PRKN: variants seen among roughly 807,000 people sequenced by gnomAD.
The protein encoded by PRKN is E3 ubiquitin-protein ligase parkin.
A neutral mutation model predicts 59.5 loss-of-function variants in PRKN; 56 were observed. The observed-to-expected ratio is 0.94, with a 90% CI of 0.76 to 1.18. The LOEUF (loss-of-function observed/expected upper bound fraction) is 1.18. Among genes scored for constraint, PRKN ranks in the 50% most tolerant of loss-of-function variants. PRKN has a pLI of 0.00. For missense variants in PRKN, 657 were observed against 596.4 expected (o/e 1.10, Z -1.06); for synonymous variants, 250 against 222.1 (o/e 1.13, Z -1.12).
At chr6:162,091,887 T>C (rs1181568488) in intron 4 of PRKN, among the ~76,000 whole-genome samples, 3 of 151,812 alleles carry the variant, frequency 2.0e-5, no homozygotes, top group Admixed American at 1.3e-4. Context: ...ATTACAAATA[T>C]TAGCCGGGCA....
intron 7 of PRKN, among the ~76,000 whole-genome samples, chr6:161,724,052 T>C (rs1270124208): frequency 1.3e-5 from 2 of 152,202 alleles, no homozygotes; most frequent in Non-Finnish European, 2.9e-5. Context: ...TTCAGCAACA[T>C]TTCTCCATTC....
intron 4 of PRKN, among the ~76,000 whole-genome samples, chr6:162,198,817 T>C (rs929922561): frequency 1.3e-5 from 2 of 152,246 alleles, no homozygotes; most frequent in Non-Finnish European, 2.9e-5. Flanking sequence ...GATTACGACA[T>C]GTCAGGCTCT....
chr6:161,624,228 T>G (rs1025442016), intron 7 of PRKN, among the ~76,000 whole-genome samples: 1 of 152,190 alleles, frequency 6.6e-6, no homozygotes, highest in African/African-American at 2.4e-5. Flanking sequence ...CAGAAACACA[T>G]AAAATTCATT....
intron 5 of PRKN, among the ~76,000 whole-genome samples, chr6:162,053,519 C>T (rs965040546): frequency 1.4e-4 from 22 of 151,940 alleles, no homozygotes; most frequent in African/African-American, 4.1e-4. Context: ...GAAATATCTG[C>T]GGTCTATGAA....
chr6:161,903,655 A>G (rs1456595638), intron 6 of PRKN, among the ~76,000 whole-genome samples: 2 of 152,184 alleles, frequency 1.3e-5, no homozygotes, highest in African/African-American at 4.8e-5. Flanking sequence ...CCTACAAAAC[A>G]CAGTGCTTTG....
chr6:162,415,264 C>T (rs13191310), intron 2 of PRKN, among the ~76,000 whole-genome samples: 83,432 of 151,812 alleles, frequency 0.55, 23,886 homozygotes, highest in African/African-American at 0.71. Context: ...AATTTTAACA[C>T]GAGTGTCACA....
At chr6:162,294,645 TGAC>T (rs1468525354) in intron 2 of PRKN, among the ~76,000 whole-genome samples, 1 of 152,208 alleles carries the variant, frequency 6.6e-6, no homozygotes, top group Non-Finnish European at 1.5e-5. Context: ...CCTTTTGTTC[TGAC>T]GTTATTAAAG....
At chr6:161,721,446 C>A (rs1262680159) in intron 7 of PRKN, among the ~76,000 whole-genome samples, 1 of 151,832 alleles carries the variant, frequency 6.6e-6, no homozygotes, top group Non-Finnish European at 1.5e-5. Context: ...AGGGCCAGCC[C>A]TCCTGACTAA....
chr6:162,109,951 G>A (rs558694155), intron 4 of PRKN, among the ~76,000 whole-genome samples: 1 of 152,258 alleles, frequency 6.6e-6, no homozygotes, highest in African/African-American at 2.4e-5. Flanking sequence ...TATGCCAATT[G>A]CATACCATGA....
rs576246891 is a variant in PRKN, at chr6:162,654,524, GATTA to G, written c.7+73134_7+73137del. Among the ~76,000 whole-genome samples, 63 of 152,298 alleles carry G rather than the reference GATTA, an allele frequency of 4.1e-4. 1 individual carries two copies. The highest frequency in any genetic ancestry group is 1.4e-3 in the African/African-American group (59 of 41,566). The stretch of plus-strand genomic sequence containing the variant: ...AATCTATTTTACTGTATCAGAATAT[GATTA>G]ATTTATCTTTCTTCATAATGATAAA... On this transcript the variant is annotated intron_variant, in intron 1 of 11. Coordinates refer to ENST00000366898, the MANE Select transcript of PRKN (RefSeq NM_004562.3).
intron 2 of PRKN, among the ~76,000 whole-genome samples, chr6:162,302,600 C>T (rs1782009125): frequency 6.6e-6 from 1 of 152,050 alleles, no homozygotes; most frequent in African/African-American, 2.4e-5. Context: ...AATTCTGCCA[C>T]AGCTACCTGA....
chr6:162,283,846 C>A (rs951229665), intron 2 of PRKN, among the ~76,000 whole-genome samples: 4 of 152,262 alleles, frequency 2.6e-5, no homozygotes. Flanking sequence ...CTGACCCCTG[C>A]TTGATGTGTT....
At position 161,419,050 on chromosome 6, in the gene PRKN, C is replaced by T. The variant is rs1787972838; in HGVS notation, c.1084-32173G>A. 6.6e-6 allele frequency among the ~76,000 whole-genome samples: 1 copy of T among 152,122 alleles called. No homozygotes were observed. Among genetic ancestry groups the T allele is most frequent in the Non-Finnish European group, 1.5e-5 (1 of 68,030 alleles). ...GAAAATACGTTGGATGTAAACACAT[C>T]GTTTACATGAAGGACATGGAATTAT... On this transcript the variant is annotated intron_variant, in intron 9 of 11. Transcript: ENST00000366898. The surrounding 1 kb of genome is among the most constrained non-coding windows in gnomAD (Gnocchi z 4.1).
intron 7 of PRKN, among the ~76,000 whole-genome samples, chr6:161,775,885 A>T (rs1424091004): frequency 6.6e-6 from 1 of 152,162 alleles, no homozygotes; most frequent in African/African-American, 2.4e-5. Flanking sequence ...AACGGACTAT[A>T]GTTGGTGAGC....
At chr6:161,935,716 G>A (rs753135031) in intron 6 of PRKN, among the ~76,000 whole-genome samples, 1 of 151,992 alleles carries the variant, frequency 6.6e-6, no homozygotes, top group Non-Finnish European at 1.5e-5. Context: ...ATTTTATAAC[G>A]ACAATGCCCC....
chr6:161,520,034 T>C (rs11969675), intron 9 of PRKN, among the ~76,000 whole-genome samples: 21,670 of 152,148 alleles, frequency 0.14, 1,695 homozygotes, highest in African/African-American at 0.19. Flanking sequence ...AGGAAACTTG[T>C]GTTTCCAAGA....
At chr6:161,956,424 G>A (rs530669864) in intron 6 of PRKN, among the ~76,000 whole-genome samples, 33 of 152,318 alleles carry the variant, frequency 2.2e-4, no homozygotes, top group Non-Finnish European at 3.4e-4. Flanking sequence ...AGAAAAGTCT[G>A]TGCCTTCTGC....
intron 7 of PRKN, among the ~76,000 whole-genome samples, chr6:161,729,340 GA>G (rs35511338): frequency 6.6e-6 from 1 of 152,106 alleles, no homozygotes; most frequent in East Asian, 1.9e-4. Context: ...AACTTTTTAA[GA>G]AATTCTTTGG....
At chr6:162,491,543 A>G (rs1792816895) in intron 1 of PRKN, among the ~76,000 whole-genome samples, 1 of 151,982 alleles carries the variant, frequency 6.6e-6, no homozygotes, top group Admixed American at 6.6e-5. Context: ...GCCGTGCCTC[A>G]CTCACTTTCC....
Sources: allele counts gnomAD v4.1 joint callset (sites outside exome capture counted in the v4.1 genomes callset), GRCh38; gene constraint gnomAD v4.1.1; non-coding constraint Gnocchi (gnomAD v3.1); transcripts MANE v1.5; gene names NCBI Gene and HGNC (gene_info 2026-07-23, HGNC 2026-07-21).